The following GRAMD1C variants were observed in gnomAD, a reference collection of about 807,000 sequenced individuals.
The protein encoded by GRAMD1C is GRAM domain containing 1C, also known as protein Aster-C.
GRAMD1C carries 89 observed loss-of-function variants against 97.8 expected under a neutral mutation model. The observed-to-expected ratio is 0.91, with a 90% CI of 0.77 to 1.09. The LOEUF (loss-of-function observed/expected upper bound fraction) is 1.09. Among genes scored for constraint, GRAMD1C ranks in the 50% least tolerant of loss-of-function variants. The pLI is 0.00. For synonymous variants in GRAMD1C, 256 were observed against 267.0 expected (o/e 0.96, Z 0.40); for missense variants, 740 against 766.4 (o/e 0.97, Z 0.41).
At chr3:113,845,349 A>G (rs1427132105) in intron 2 of GRAMD1C, among the ~76,000 whole-genome samples, 1 of 152,218 alleles carries the variant, frequency 6.6e-6, no homozygotes, top group Admixed American at 6.5e-5. Flanking sequence ...TATAAGTGAA[A>G]ATTATGTAGG....
intron 10 of GRAMD1C, chr3:113,919,605 G>A (rs1297417945): frequency 1.7e-6 from 1 of 605,334 alleles, no homozygotes; most frequent in Non-Finnish European, 3.1e-6. Context: ...GTTCACTTGA[G>A]GTATTTTCTT....
intron 4 of GRAMD1C, chr3:113,875,841 G>A: frequency 2.5e-6 from 1 of 397,082 alleles, no homozygotes; most frequent in South Asian, 5.4e-5. Context: ...ATATCTTAAT[G>A]GCTGCCAAAA....
chr3:113,839,188 T>C (rs1198766253), intron 1 of GRAMD1C, among the ~76,000 whole-genome samples: 1 of 152,148 alleles, frequency 6.6e-6, no homozygotes, highest in East Asian at 1.9e-4. Flanking sequence ...GGTCCCGAAA[T>C]GTCCTGGTGC....
chr3:113,899,736 A>G (rs2107443903), intron 6 of GRAMD1C, among the ~76,000 whole-genome samples: 1 of 152,332 alleles, frequency 6.6e-6, no homozygotes, highest in South Asian at 2.1e-4. Context: ...ACTGGAGGCC[A>G]TTATCCTAAA....
chr3:113,834,663 C>T (rs1486413210), upstream of GRAMD1C, among the ~76,000 whole-genome samples: 2 of 151,500 alleles, frequency 1.3e-5, no homozygotes, highest in Non-Finnish European at 2.9e-5. Context: ...TGCCCAGGCA[C>T]GGTGGCTTAC....
At position 113,934,437 on chromosome 3, in the gene GRAMD1C, C is replaced by G; in HGVS notation, c.1358C>G (p.Ser453Cys). Residue 453 changes from serine to cysteine, a missense_variant, in exon 13 of 18, where the codon TCC becomes TGC. Ser to Cys is a moderately radical substitution (Grantham distance 112). Coordinates refer to ENST00000358160, the MANE Select transcript of GRAMD1C (RefSeq NM_017577.5). ...SSKQKCRLRV[S>C]TDLKYRKQPW... is the part of the protein sequence containing the mutation. ...TTTCCTTCTTATTCTACTAGAGTTT[C>G]CACAGATTTGAAATACAGAAAACAG... The G allele has an allele frequency of 1.4e-6, 2 of 1,441,086 alleles. No individual in the cohort carries two copies. The highest frequency in any genetic ancestry group is 1.9e-6 in the Non-Finnish European group (2 of 1,038,010). The allele number at this position is 1,441,086 out of a possible 1,614,324, so 89.3% of individuals were successfully genotyped here.
intron 10 of GRAMD1C, chr3:113,920,175 C>T: frequency 7.2e-7 from 1 of 1,386,610 alleles, no homozygotes; most frequent in South Asian, 1.2e-5. Flanking sequence ...GAATCACAGG[C>T]ATCTGCTCAA....
At chr3:113,880,464 T>C (rs1427016035) in intron 5 of GRAMD1C, among the ~76,000 whole-genome samples, 3 of 152,194 alleles carry the variant, frequency 2.0e-5, no homozygotes, top group Non-Finnish European at 4.4e-5. Flanking sequence ...GGTCTGCACG[T>C]GTAGATAGAC....
intron 10 of GRAMD1C, among the ~76,000 whole-genome samples, chr3:113,927,494 G>C (rs541613822): frequency 7.2e-5 from 11 of 152,268 alleles, no homozygotes; most frequent in Admixed American, 2.6e-4. Flanking sequence ...GATCTTAGAG[G>C]GAGGGCTTCT....
At chr3:113,938,020 AAAAAAT>A in intron 14 of GRAMD1C, 60 bp from the exon 15 acceptor site, 1 of 864,932 alleles carries the variant, frequency 1.2e-6, no homozygotes, top group East Asian at 2.8e-5. Context: ...AAAAAAAAAA[AAAAAAT>A]TTGGATCAGT....
At chr3:113,936,675 T>G in intron 14 of GRAMD1C, 1 of 359,530 alleles carries the variant, frequency 2.8e-6, no homozygotes, top group Non-Finnish European at 4.9e-6. Flanking sequence ...TGTGTCATTT[T>G]AAGAATTGGA....
At chr3:113,828,892 C>T (rs752049422) in intron 1 of GRAMD1C, among the ~76,000 whole-genome samples, 2 of 152,154 alleles carry the variant, frequency 1.3e-5, no homozygotes, top group Non-Finnish European at 2.9e-5. Context: ...TCCACAATCT[C>T]AGTTTCAAGT....
chr3:113,854,137 C>G (rs962044743), intron 2 of GRAMD1C, among the ~76,000 whole-genome samples: 6 of 151,458 alleles, frequency 4.0e-5, no homozygotes, highest in African/African-American at 1.2e-4. Flanking sequence ...GTGGGGAAAT[C>G]AAGAGTTTTT....
intron 1 of GRAMD1C, among the ~76,000 whole-genome samples, chr3:113,831,623 T>TC (rs1387589410): frequency 6.6e-6 from 1 of 152,156 alleles, no homozygotes; most frequent in African/African-American, 2.4e-5. Flanking sequence ...CACTTTTTTT[T>TC]CTTTCTGCTC....
At chr3:113,856,045 G>A (rs1400212994) in intron 2 of GRAMD1C, among the ~76,000 whole-genome samples, 1 of 151,638 alleles carries the variant, frequency 6.6e-6, no homozygotes, top group Non-Finnish European at 1.5e-5. Context: ...CGTGCCACCA[G>A]CTAAGCTAAT....
chr3:113,830,476 G>C (rs148837740), intron 1 of GRAMD1C, among the ~76,000 whole-genome samples: 4 of 152,106 alleles, frequency 2.6e-5, no homozygotes, highest in African/African-American at 9.7e-5. Context: ...TTCCACCGAG[G>C]ACTCTTACCC....
chr3:113,912,028 A>G (rs1217753556), intron 9 of GRAMD1C, among the ~76,000 whole-genome samples: 1 of 152,158 alleles, frequency 6.6e-6, no homozygotes, highest in Admixed American at 6.6e-5. Context: ...CACCTGGCCA[A>G]TTAACTTAAT....
chr3:113,859,585 A>G (rs562525668), intron 2 of GRAMD1C, among the ~76,000 whole-genome samples: 1 of 152,346 alleles, frequency 6.6e-6, no homozygotes, highest in East Asian at 1.9e-4. Flanking sequence ...TAGATTAACT[A>G]GGCATGTTTC....
intron 17 of GRAMD1C, among the ~76,000 whole-genome samples, chr3:113,942,595 G>A (rs770542312): frequency 2.8e-4 from 43 of 152,122 alleles, no homozygotes; most frequent in Admixed American, 1.3e-4. Context: ...AGCGGAAGAG[G>A]GATAGGGGAA....
Sources: gnomAD v4.1 joint callset for allele counts (sites outside exome capture counted in the v4.1 genomes callset) on GRCh38, gnomAD v4.1.1 for gene constraint, MANE v1.5 for transcripts, NCBI Gene and HGNC (gene_info 2026-07-23, HGNC 2026-07-21) for gene names.